The following REM1 variants were observed in gnomAD, a reference collection of about 807,000 sequenced individuals.
REM1 encodes GTP-binding protein REM 1.
REM1 carries 20 observed loss-of-function variants against 27.0 expected under a neutral mutation model. That is an observed-to-expected ratio of 0.74 (90% CI 0.52 to 1.08). The LOEUF (loss-of-function observed/expected upper bound fraction) is 1.08, where lower values mean the gene tolerates loss of function less well. REM1 is among the 50% of genes least tolerant of loss of function. The pLI, the probability that REM1 is intolerant of heterozygous loss-of-function variation, is 0.00. For synonymous variants in REM1, 159 were observed against 167.9 expected, an observed-to-expected ratio of 0.95 and a Z score of 0.41; for missense variants, 405 against 407.0, an observed-to-expected ratio of 1.00 and a Z score of 0.04.
chr20:31,475,731 CGT>C lies in REM1; in HGVS notation c.-220+366_-220+367del, dbSNP rs1980471386. On this transcript the variant is annotated intron_variant, in intron 1 of 4. Coordinates refer to ENST00000201979, the MANE Select transcript of REM1 (RefSeq NM_014012.6). The surrounding 1 kb of genome is among the most constrained non-coding windows in gnomAD (Gnocchi z 5.0). ...CCCGTCCCCAAAAGCAGTTGGAGGC[CGT>C]AGCGCCAGCCGCTCCTGAATTTTTC... Among the ~76,000 whole-genome samples, 1 of 152,216 alleles carries C rather than the reference CGT, an allele frequency of 6.6e-6. No homozygotes were observed. The highest frequency in any genetic ancestry group is 1.5e-5 in the Non-Finnish European group (1 of 68,046).
intron 4 of REM1, among the ~76,000 whole-genome samples, chr20:31,483,771 A>T (rs6119419): frequency 0.061 from 7,906 of 130,606 alleles, 721 homozygotes; most frequent in African/African-American, 0.25. Flanking sequence ...GTGAACAGAC[A>T]TCCAAAAAAA....
intron 3 of REM1, among the ~76,000 whole-genome samples, chr20:31,481,760 G>A (rs1326397229): frequency 2.6e-5 from 4 of 152,186 alleles, no homozygotes; most frequent in Non-Finnish European, 5.9e-5. Context: ...CCCCTTGACT[G>A]TCTCATCCCC....
chr20:31,484,026 G>A, intron 4 of REM1, 133 bp from the exon 5 acceptor site: 2 of 1,011,500 alleles, frequency 2.0e-6, no homozygotes, highest in Non-Finnish European at 2.7e-6. Flanking sequence ...ATTTATCTGA[G>A]TCCCCAGACA....
intron 4 of REM1, 25 bp from the exon 5 acceptor site, chr20:31,484,134 T>A (rs776200388): frequency 6.5e-7 from 1 of 1,548,836 alleles, no homozygotes; most frequent in Non-Finnish European, 8.7e-7. Flanking sequence ...GCTCCACCCC[T>A]CCTCGCCGGG....
intron 3 of REM1, among the ~76,000 whole-genome samples, chr20:31,481,905 A>T (rs1471635530): frequency 1.3e-5 from 2 of 152,174 alleles, no homozygotes; most frequent in African/African-American, 4.8e-5. Context: ...TTCACCAGGC[A>T]TAAAGAACCA....
intron 4 of REM1, 59 bp from the exon 5 acceptor site, chr20:31,484,100 C>T (rs974036620): frequency 6.7e-7 from 1 of 1,493,180 alleles, no homozygotes; most frequent in Non-Finnish European, 8.9e-7. Flanking sequence ...TCTCTTCCTA[C>T]CTTTTTCTCC....
intron 3 of REM1, among the ~76,000 whole-genome samples, chr20:31,480,238 CATACATACACACATACATACATACAT>C (rs1568762846): frequency 1.8e-4 from 14 of 75,948 alleles, no homozygotes; most frequent in African/African-American, 1.4e-3. Context: ...TAGACAGATA[CATACATACACACATACATACATACAT>C]ACATACATAC....
Position 31,483,774 on chromosome 20 carries a change from C to CA in REM1, c.626-365dup, listed in dbSNP as rs549633656. ...ACCCTATGCTTTGTGAACAGACATC[C>CA]AAAAAAAAAAAAAAAAAAAACTGCA... On this transcript the variant is annotated intron_variant, in intron 4 of 4. Transcript: ENST00000201979. Among the ~76,000 whole-genome samples, 983 of 102,350 alleles carry CA rather than the reference C, an allele frequency of 9.6e-3. 7 individuals are homozygous for CA. Among genetic ancestry groups the CA allele is most frequent in the South Asian group, 0.046 (118 of 2,576 alleles). 67.1% of individuals were successfully genotyped at this position (102,350 alleles called of 152,430 possible).
chr20:31,480,376 T>A (rs909183679), intron 3 of REM1, among the ~76,000 whole-genome samples: 3 of 152,060 alleles, frequency 2.0e-5, no homozygotes, highest in Non-Finnish European at 4.4e-5. Context: ...TAGGCTGGAG[T>A]GCAGTGTCGT....
chr20:31,482,580 C>A, intron 4 of REM1, 92 bp downstream of exon 4: 3 of 1,270,372 alleles, frequency 2.4e-6, no homozygotes, highest in African/African-American at 1.5e-5. Context: ...CTGTCCCTGC[C>A]AAGCTGCCCC....
intron 3 of REM1, 89 bp from the exon 4 acceptor site, chr20:31,482,198 A>G: frequency 8.3e-7 from 1 of 1,210,668 alleles, no homozygotes; most frequent in Non-Finnish European, 1.2e-6. Flanking sequence ...CTCAAGCTGC[A>G]TCCCACCCAT....
chr20:31,480,240 TACATACAC>T (rs746777773), intron 3 of REM1, among the ~76,000 whole-genome samples: 12,083 of 86,962 alleles, frequency 0.14, 532 homozygotes, highest in African/African-American at 0.27. Flanking sequence ...GACAGATACA[TACATACAC>T]ACATACATAC....
In REM1 at chr20:31,484,512, G is replaced by C; in HGVS notation, c.*82G>C. ...GACGCCACTGCGGGGCAAAGGCGCCGTTACCTGGAGTCTGCATCATGGGTC... is the reference window on the plus strand; with the variant it reads ...GACGCCACTGCGGGGCAAAGGCGCCCTTACCTGGAGTCTGCATCATGGGTC... On this transcript the variant is annotated 3_prime_UTR_variant, in exon 5 of 5. Transcript: ENST00000201979. 7.1e-7 allele frequency: 1 copy of C among 1,401,678 alleles called. No individual in the cohort carries two copies. The highest frequency in any genetic ancestry group is 1.6e-5 in the South Asian group (1 of 64,432). 86.8% of individuals were successfully genotyped at this position (1,401,678 alleles called of 1,614,324 possible).
chr20:31,480,820 A>AG (rs1225516695), intron 3 of REM1, among the ~76,000 whole-genome samples: 1 of 152,220 alleles, frequency 6.6e-6, no homozygotes, highest in African/African-American at 2.4e-5. Flanking sequence ...TCCATACTCA[A>AG]GGTTGAGAAC....
chr20:31,480,543 G>A (rs535833531), intron 3 of REM1, among the ~76,000 whole-genome samples: 114 of 152,002 alleles, frequency 7.5e-4, no homozygotes, highest in African/African-American at 2.5e-3. Flanking sequence ...GGCTGGTCTC[G>A]AACTCCTGAC....
intron 2 of REM1, among the ~76,000 whole-genome samples, chr20:31,477,242 G>A (rs1292883302): frequency 1.3e-5 from 2 of 152,082 alleles, no homozygotes; most frequent in Non-Finnish European, 2.9e-5. Flanking sequence ...GAGACCCCAA[G>A]TTCTGGGCCC....
chr20:31,482,442 G>A lies in REM1; in HGVS notation c.579G>A (p.Val193=), dbSNP rs1344831315. 6.2e-6 allele frequency: 10 copies of A among 1,614,124 alleles called. No homozygotes were observed. Among genetic ancestry groups the A allele is most frequent in the Non-Finnish European group, 8.5e-6 (10 of 1,180,022 alleles). The change falls in exon 4 of 5, where the codon GTG becomes GTA. Residue 193 remains valine, a synonymous_variant. Coordinates refer to ENST00000201979, the MANE Select transcript of REM1 (RefSeq NM_014012.6). ...HQADHVPIIL[V]GNKADLARCR... ...CAGACCATGTGCCCATCATCCTCGTGGGCAACAAGGCAGACTTGGCCCGCT... is the reference window on the plus strand; with the variant it reads ...CAGACCATGTGCCCATCATCCTCGTAGGCAACAAGGCAGACTTGGCCCGCT...
intron 4 of REM1, 43 bp downstream of exon 4, chr20:31,482,531 C>T (rs1980773730): frequency 6.4e-7 from 1 of 1,573,014 alleles, no homozygotes. Context: ...CTGGGCCCCA[C>T]TGTCATGGCT....
At chr20:31,480,638 T>G (rs1029497568) in intron 3 of REM1, among the ~76,000 whole-genome samples, 1 of 152,198 alleles carries the variant, frequency 6.6e-6, no homozygotes, top group African/African-American at 2.4e-5. Flanking sequence ...TCTATATTTT[T>G]AATCACACTC....
Sources: allele counts gnomAD v4.1 joint callset (sites outside exome capture counted in the v4.1 genomes callset), GRCh38; gene constraint gnomAD v4.1.1; non-coding constraint Gnocchi (gnomAD v3.1); transcripts MANE v1.5; gene names NCBI Gene and HGNC (gene_info 2026-07-23, HGNC 2026-07-21).